SPAG16: variants seen among roughly 807,000 people sequenced by gnomAD.
SPAG16 encodes the protein sperm associated antigen 16, also known as sperm-associated antigen 16 protein.
Under a neutral mutation model 80.4 loss-of-function variants are expected in SPAG16, and 86 were observed. The observed-to-expected ratio is 1.07, with a 90% confidence interval of 0.90 to 1.28. The LOEUF (loss-of-function observed/expected upper bound fraction) is 1.28. Ranked by LOEUF, SPAG16 falls within the 50% of genes most tolerant of loss-of-function variation. SPAG16 has a pLI of 0.00. For missense variants in SPAG16, 870 were observed against 765.3 expected (o/e 1.14, Z -1.61); for synonymous variants, 294 against 265.9 (o/e 1.11, Z -1.03).
At chr2:213,960,834 G>A (rs1275747302) in intron 12 of SPAG16, among the ~76,000 whole-genome samples, 3 of 152,220 alleles carry the variant, frequency 2.0e-5, no homozygotes, top group Non-Finnish European at 2.9e-5. Context: ...GCTGGTGGGG[G>A]AGCGCTTGCA....
At chr2:214,191,994 A>G (rs2057681860) in intron 15 of SPAG16, among the ~76,000 whole-genome samples, 1 of 152,060 alleles carries the variant, frequency 6.6e-6, no homozygotes, top group Non-Finnish European at 1.5e-5. Flanking sequence ...GGGAAAAAAA[A>G]AACAGGACTA....
At chr2:214,124,597 T>C (rs2054383829) in intron 14 of SPAG16, among the ~76,000 whole-genome samples, 1 of 151,872 alleles carries the variant, frequency 6.6e-6, no homozygotes. Flanking sequence ...CACACCAATT[T>C]ACTCATAAGC....
At chr2:213,937,592 A>T (rs1477111515) in intron 12 of SPAG16, among the ~76,000 whole-genome samples, 1 of 152,046 alleles carries the variant, frequency 6.6e-6, no homozygotes, top group Non-Finnish European at 1.5e-5. Context: ...TACGGAGCAT[A>T]GACACATAAA....
At position 213,908,077 on chromosome 2, in the gene SPAG16, C is replaced by T. The variant is rs371867969; in HGVS notation, c.1215-21883C>T. ...TGAATATGCTAATTACCCTGATTTG[C>T]TCACTTACTGTATACTTATATATTG... On this transcript the variant is annotated intron_variant, in intron 11 of 15. Coordinates refer to ENST00000331683, the MANE Select transcript of SPAG16 (RefSeq NM_024532.5). 4.3e-4 allele frequency among the ~76,000 whole-genome samples: 66 copies of T among 152,250 alleles called. 1 individual carries two copies. In the South Asian group the frequency reaches 0.012, roughly 28 times the overall value.
intron 14 of SPAG16, among the ~76,000 whole-genome samples, chr2:214,108,730 C>T (rs2053522713): frequency 6.6e-6 from 1 of 152,102 alleles, no homozygotes; most frequent in African/African-American, 2.4e-5. Context: ...AACAGAACAG[C>T]TTTGATTTGA....
At chr2:214,066,270 G>T (rs1314261560) in intron 13 of SPAG16, among the ~76,000 whole-genome samples, 4 of 152,018 alleles carry the variant, frequency 2.6e-5, no homozygotes, top group Non-Finnish European at 4.4e-5. Context: ...CAATCATAAA[G>T]ACCAACTCTG....
chr2:213,782,206 A>T (rs1158539270), intron 10 of SPAG16, among the ~76,000 whole-genome samples: 3 of 151,976 alleles, frequency 2.0e-5, no homozygotes, highest in African/African-American at 7.2e-5. Flanking sequence ...TAATAAAAAA[A>T]GGAAGGAAAG....
At chr2:214,339,559 G>A (rs1697523493) in intron 15 of SPAG16, among the ~76,000 whole-genome samples, 1 of 152,170 alleles carries the variant, frequency 6.6e-6, no homozygotes, top group Non-Finnish European at 1.5e-5. Flanking sequence ...AGCTTCTCAG[G>A]AGTAGAACGT....
chr2:214,101,150 T>A (rs1209321194), intron 13 of SPAG16, among the ~76,000 whole-genome samples: 1 of 72,112 alleles, frequency 1.4e-5, no homozygotes, highest in African/African-American at 5.6e-5. Flanking sequence ...ATTACTTAAT[T>A]TTTTTTTCAA....
intron 13 of SPAG16, among the ~76,000 whole-genome samples, chr2:214,076,245 A>G (rs1334344502): frequency 6.6e-6 from 1 of 152,166 alleles, no homozygotes; most frequent in African/African-American, 2.4e-5. Flanking sequence ...GACTGATATT[A>G]AAATTAGTCT....
At chr2:213,342,289 ATATATATGACATATG>A (rs1339480012) in intron 6 of SPAG16, among the ~76,000 whole-genome samples, 10 of 148,290 alleles carry the variant, frequency 6.7e-5, no homozygotes, top group South Asian at 2.1e-4. Flanking sequence ...ACATATGTAT[ATATATATGACATATG>A]TGTATATATA....
At chr2:213,697,497 T>C (rs1207652275) in intron 10 of SPAG16, among the ~76,000 whole-genome samples, 1 of 152,196 alleles carries the variant, frequency 6.6e-6, no homozygotes, top group Non-Finnish European at 1.5e-5. Context: ...AAAGAGACTT[T>C]GCAGATGTGA....
At chr2:213,808,446 G>A (rs917584177) in intron 10 of SPAG16, among the ~76,000 whole-genome samples, 6 of 152,216 alleles carry the variant, frequency 3.9e-5, no homozygotes, top group African/African-American at 1.4e-4. Flanking sequence ...ATCAGAGACC[G>A]GGGGTATAGG....
intron 13 of SPAG16, among the ~76,000 whole-genome samples, chr2:214,046,721 T>C (rs560432288): frequency 6.6e-6 from 1 of 152,172 alleles, no homozygotes; most frequent in African/African-American, 2.4e-5. Flanking sequence ...ATAAAAAATA[T>C]CCAAATTGGA....
chr2:214,235,415 A>G (rs1358205734), intron 15 of SPAG16, among the ~76,000 whole-genome samples: 1 of 152,168 alleles, frequency 6.6e-6, no homozygotes, highest in Admixed American at 6.6e-5. Context: ...TATTGGTATG[A>G]TATTTAATAG....
intron 10 of SPAG16, among the ~76,000 whole-genome samples, chr2:213,490,929 C>T (rs1311395013): frequency 2.0e-5 from 3 of 152,252 alleles, no homozygotes; most frequent in East Asian, 3.9e-4. Flanking sequence ...CACTCTTTAA[C>T]ACATATATTT....
intron 12 of SPAG16, among the ~76,000 whole-genome samples, chr2:213,980,536 T>C (rs1346875793): frequency 1.4e-5 from 2 of 142,892 alleles, no homozygotes; most frequent in South Asian, 2.1e-4. Context: ...TATATGTGTA[T>C]ATATAATATA....
chr2:213,362,065 G>T (rs1284107795), intron 7 of SPAG16, among the ~76,000 whole-genome samples: 2 of 152,066 alleles, frequency 1.3e-5, no homozygotes, highest in Non-Finnish European at 2.9e-5. Flanking sequence ...TTCTTGTCCA[G>T]TTGCCCAGAT....
At chr2:214,364,123 A>G (rs1699337568) in intron 15 of SPAG16, among the ~76,000 whole-genome samples, 1 of 134,158 alleles carries the variant, frequency 7.5e-6, no homozygotes, top group Non-Finnish European at 1.8e-5. Context: ...TCTCATTTCT[A>G]AAGAGTCACC....
Sources: allele counts gnomAD v4.1 joint callset (sites outside exome capture counted in the v4.1 genomes callset), GRCh38; gene constraint gnomAD v4.1.1; transcripts MANE v1.5; gene names NCBI Gene and HGNC (gene_info 2026-07-23, HGNC 2026-07-21).